The following RBFOX2 variants were observed in gnomAD, a reference collection of about 807,000 sequenced individuals.
RBFOX2 encodes RNA binding fox-1 homolog 2.
In RBFOX2, 10 loss-of-function variants were observed where a neutral mutation model predicts 49.1. The observed-to-expected ratio is 0.20, with a 90% confidence interval of 0.13 to 0.35. The LOEUF (loss-of-function observed/expected upper bound fraction) is 0.35, where lower values mean the gene tolerates loss of function less well. Ranked by LOEUF, RBFOX2 falls within the 10% of genes least tolerant of loss-of-function variation. The pLI is 1.00. For missense variants in RBFOX2, 323 were observed against 486.9 expected (o/e 0.66, Z 3.17); for synonymous variants, 183 against 187.4 (o/e 0.98, Z 0.19).
upstream of RBFOX2, among the ~76,000 whole-genome samples, chr22:35,961,888 A>G (rs559049385): frequency 6.6e-6 from 1 of 152,062 alleles, no homozygotes; most frequent in Non-Finnish European, 1.5e-5. Context: ...ACCCCACCCA[A>G]AAGTGGCTGC....
chr22:35,799,752 A>G (rs1569162200), intron 2 of RBFOX2, among the ~76,000 whole-genome samples: 3 of 152,234 alleles, frequency 2.0e-5, no homozygotes, highest in Admixed American at 6.5e-5. Flanking sequence ...GTTCCAGACC[A>G]GCCAGAGCAA....
At chr22:35,952,701 A>C (rs553452784) in intron 1 of RBFOX2, among the ~76,000 whole-genome samples, 6 of 152,326 alleles carry the variant, frequency 3.9e-5, no homozygotes, top group Admixed American at 1.3e-4. Context: ...TGTGTTCTTC[A>C]TTAAAAATAA....
At chr22:36,003,602 G>A (rs1395216902) in intron 1 of RBFOX2, among the ~76,000 whole-genome samples, 2 of 152,058 alleles carry the variant, frequency 1.3e-5, no homozygotes, top group East Asian at 1.9e-4. Flanking sequence ...TTGGCTTTTT[G>A]GTAAGAATAT....
At chr22:35,910,464 A>G (rs917396678) in intron 1 of RBFOX2, among the ~76,000 whole-genome samples, 1 of 152,244 alleles carries the variant, frequency 6.6e-6, no homozygotes, top group Non-Finnish European at 1.5e-5. Flanking sequence ...AGATGCCAAG[A>G]ATTTGCTCCA....
chr22:35,755,965 A>G (rs1472115864), intron 9 of RBFOX2, 140 bp downstream of exon 11: 2 of 359,422 alleles, frequency 5.6e-6, no homozygotes, highest in Non-Finnish European at 8.8e-6. Flanking sequence ...AAATATATAT[A>G]TATATATATC....
chr22:36,001,004 A>G (rs1293301129), intron 1 of RBFOX2, among the ~76,000 whole-genome samples: 1 of 152,206 alleles, frequency 6.6e-6, no homozygotes, highest in Non-Finnish European at 1.5e-5. Context: ...CACAAAACTA[A>G]TAAATGATAG....
At chr22:36,012,333 G>A (rs147865489) in intron 1 of RBFOX2, among the ~76,000 whole-genome samples, 100 of 152,302 alleles carry the variant, frequency 6.6e-4, no homozygotes, top group Non-Finnish European at 8.7e-4. Context: ...TCCTAGTCAT[G>A]AGGCTTAGAG....
At chr22:35,809,219 G>A (rs1951346418) in intron 2 of RBFOX2, among the ~76,000 whole-genome samples, 1 of 152,090 alleles carries the variant, frequency 6.6e-6, no homozygotes, top group Non-Finnish European at 1.5e-5. Context: ...CTTCATTTTA[G>A]AGTGAGCCAA....
Position 35,761,090 on chromosome 22 carries a change from T to C in RBFOX2, c.754+112A>G, listed in dbSNP as rs577734118. ...GCACTGGGATAGTATTTAATATCCCTCTCAAGAAATTTCCATTTCAGTTAT... is the reference window on the plus strand; with the variant it reads ...GCACTGGGATAGTATTTAATATCCCCCTCAAGAAATTTCCATTTCAGTTAT... On this transcript the variant is annotated intron_variant, in intron 8 of 11. Transcript: ENST00000405409. The C allele has an allele frequency of 6.7e-5, 61 of 904,350 alleles. No homozygotes were observed. In the African/African-American group the frequency reaches 8.4e-4, roughly 12 times the overall value. The allele number at this position is 904,350 out of a possible 1,614,324, so 56.0% of individuals were successfully genotyped here. A position where few individuals can be genotyped will look rare whatever the true frequency, so the allele number is the denominator to read the frequency against.
chr22:35,879,791 C>T (rs966712632), intron 1 of RBFOX2, among the ~76,000 whole-genome samples: 113 of 152,122 alleles, frequency 7.4e-4, no homozygotes, highest in African/African-American at 2.6e-3. Flanking sequence ...GTGGAGATAG[C>T]GAGACCAGGT....
exon 12 of RBFOX2, chr22:35,741,262 C>T (rs1929814005): frequency 6.6e-6 from 1 of 152,198 alleles, no homozygotes; most frequent in Non-Finnish European, 1.5e-5. Context: ...TCCAAGAGTA[C>T]AGAAAGTCCA....
chr22:35,866,923 A>T (rs1369167091), intron 1 of RBFOX2, among the ~76,000 whole-genome samples: 1 of 152,234 alleles, frequency 6.6e-6, no homozygotes, highest in Non-Finnish European at 1.5e-5. Context: ...TCACAGAATT[A>T]GAGAGCCCTT....
upstream of RBFOX2, among the ~76,000 whole-genome samples, chr22:35,841,128 G>C (rs1442387025): frequency 1.3e-5 from 2 of 152,214 alleles, no homozygotes; most frequent in Non-Finnish European, 2.9e-5. Flanking sequence ...AAACTTAAGA[G>C]ATACACAAAG....
intron 6 of RBFOX2, among the ~76,000 whole-genome samples, chr22:35,761,993 A>C (rs2146364562): frequency 6.6e-6 from 1 of 152,174 alleles, no homozygotes; most frequent in East Asian, 1.9e-4. Context: ...ATCCACTTTT[A>C]CTCGGATTTA....
chr22:35,974,598 A>AC (rs1330782881), intron 1 of RBFOX2, among the ~76,000 whole-genome samples: 2 of 152,146 alleles, frequency 1.3e-5, no homozygotes, highest in East Asian at 3.8e-4. Context: ...GAGGCGGGAG[A>AC]ATCACTTGAA....
At chr22:35,888,253 C>T (rs866627417) in intron 1 of RBFOX2, among the ~76,000 whole-genome samples, 17 of 152,146 alleles carry the variant, frequency 1.1e-4, no homozygotes, top group African/African-American at 4.1e-4. Context: ...ATTTACTCCC[C>T]ATTTTTTTGA....
At chr22:35,969,169 G>C (rs921137709) in intron 1 of RBFOX2, among the ~76,000 whole-genome samples, 25 of 152,108 alleles carry the variant, frequency 1.6e-4, no homozygotes, top group African/African-American at 6.0e-4. Context: ...GTACCTGCCT[G>C]CCTCTAGATC....
At chr22:35,847,528 G>A (rs980642033) in intron 1 of RBFOX2, among the ~76,000 whole-genome samples, 4 of 152,078 alleles carry the variant, frequency 2.6e-5, no homozygotes, top group Non-Finnish European at 5.9e-5. Flanking sequence ...TTTTATAACT[G>A]TAGTTAAGAG....
At chr22:35,799,398 T>A (rs1337171136) in intron 2 of RBFOX2, among the ~76,000 whole-genome samples, 1 of 152,166 alleles carries the variant, frequency 6.6e-6, no homozygotes, top group Non-Finnish European at 1.5e-5. Context: ...CAACTGACTA[T>A]CAAAATAAGC....
Sources: gnomAD v4.1 joint callset for allele counts (sites outside exome capture counted in the v4.1 genomes callset) on GRCh38, gnomAD v4.1.1 for gene constraint, MANE v1.5 for transcripts, NCBI Gene and HGNC (gene_info 2026-07-23, HGNC 2026-07-21) for gene names.